PIH1D2: variants seen among roughly 807,000 people sequenced by gnomAD.
PIH1D2 encodes PIH1 domain-containing protein 2.
In PIH1D2, 25 loss-of-function variants were observed where a neutral mutation model predicts 31.2. That is an observed-to-expected ratio of 0.80 (90% CI 0.58 to 1.12). PIH1D2 has a LOEUF of 1.12. Ranked by LOEUF, PIH1D2 falls within the 50% of genes most tolerant of loss-of-function variation. PIH1D2 has a pLI of 0.00. For missense variants in PIH1D2, 310 were observed against 356.6 expected (o/e 0.87, Z 1.05); for synonymous variants, 116 against 119.9 (o/e 0.97, Z 0.21).
At position 112,071,284 on chromosome 11, in the gene PIH1D2, C is replaced by G. The variant is rs781989264; in HGVS notation, c.302-1G>C. ...GCAACATCAATGACTGTGTAAGCAT[C>G]TGTGTGTGTAATTGAAAGGGTATGA... On this transcript the variant is annotated splice_acceptor_variant, in intron 3 of 5. Transcript: ENST00000280350. LOFTEE classifies it high-confidence loss of function. The G allele has an allele frequency of 1.7e-5, 27 of 1,608,366 alleles. No homozygotes were observed. Among genetic ancestry groups the G allele is most frequent in the South Asian group, 6.7e-5 (6 of 90,112 alleles).
In PIH1D2 at chr11:112,071,666, A is replaced by T. The variant is rs1555184666; in HGVS notation, c.270T>A (p.Val90=). Reference sequence around the variant, plus strand: ...TCTCAGTTGTATCTTCTGGTTTGCCAACAGTTAGAGGTACTGGATGAGTGG... The same window carrying T: ...TCTCAGTTGTATCTTCTGGTTTGCCTACAGTTAGAGGTACTGGATGAGTGG... ...QSTTHPVPLT[V]GKPEDTTEIS... is the part of the protein sequence containing the mutation. The change falls in exon 3 of 6, where the codon GTT becomes GTA. Residue 90 remains valine, a synonymous_variant. Coordinates refer to ENST00000280350, the MANE Select transcript of PIH1D2 (RefSeq NM_138789.4). 1.2e-6 allele frequency: 2 copies of T among 1,613,876 alleles called. No homozygotes were observed. The highest frequency in any genetic ancestry group is 1.7e-6 in the Non-Finnish European group (2 of 1,179,734).
downstream of PIH1D2, among the ~76,000 whole-genome samples, chr11:112,060,463 T>C (rs2135160970): frequency 1.3e-5 from 2 of 151,908 alleles, no homozygotes; most frequent in South Asian, 4.2e-4. Context: ...CCCAGCGTAA[T>C]TCTTTTTTGA....
At chr11:112,072,312 A>C (rs1016850069) in intron 2 of PIH1D2, among the ~76,000 whole-genome samples, 1 of 151,432 alleles carries the variant, frequency 6.6e-6, no homozygotes, top group Non-Finnish European at 1.5e-5. Flanking sequence ...TGAGAGGCTG[A>C]GGTAGGAGGG....
At chr11:112,060,158 ATTTTTTTTTT>A (rs782188808), downstream of PIH1D2, 5 of 568,680 alleles carry the variant, frequency 8.8e-6, no homozygotes, top group South Asian at 2.1e-5. Context: ...CTGTCACGTA[ATTTTTTTTTT>A]TTTTTTTTTT....
At chr11:112,062,593 T>C, downstream of PIH1D2, 1 of 1,574,488 alleles carries the variant, frequency 6.4e-7, no homozygotes, top group African/African-American at 1.3e-5. Context: ...TAACAAGATA[T>C]TTATATGTTA....
downstream of PIH1D2, chr11:112,064,231 AAAT>A (rs1417365755): frequency 3.2e-6 from 5 of 1,553,738 alleles, no homozygotes; most frequent in Non-Finnish European, 4.3e-6. Flanking sequence ...CCTTGAAAAA[AAAT>A]AAAAACAGTT....
downstream of PIH1D2, chr11:112,062,725 C>A: frequency 1.6e-6 from 1 of 632,892 alleles, no homozygotes; most frequent in Non-Finnish European, 2.6e-6. Context: ...ATATTGTGCA[C>A]ATTTAATAAT....
At chr11:112,055,003 G>T in the PIH1D2 span, among the ~76,000 whole-genome samples, 2 of 152,034 alleles carry the variant, frequency 1.3e-5, no homozygotes, top group African/African-American at 4.8e-5. Context: ...CTTATCTCAG[G>T]ATCCTAATTA....
chr11:112,061,632 G>A (rs1418871699), downstream of PIH1D2: 1 of 174,342 alleles, frequency 5.7e-6, no homozygotes, highest in Non-Finnish European at 1.2e-5. Context: ...AGGCAGAAGT[G>A]CAGTGGTGCC....
At chr11:112,055,848 CTTTTTTTTTTTTTTTTTTTTTT>C in the PIH1D2 span, among the ~76,000 whole-genome samples, 29 of 31,990 alleles carry the variant, frequency 9.1e-4, no homozygotes, top group South Asian at 6.8e-3. Context: ...CATATAGACA[CTTTTTTTTTTTTTTTTTTTTTT>C]TTTTTTTTTT....
downstream of PIH1D2, chr11:112,062,397 T>G: frequency 6.2e-7 from 1 of 1,612,276 alleles, no homozygotes; most frequent in Non-Finnish European, 8.5e-7. Context: ...TGTCTTTATC[T>G]TTTTCTAGGT....
chr11:112,065,346 T>A (rs187379982), downstream of PIH1D2, among the ~76,000 whole-genome samples: 2 of 152,216 alleles, frequency 1.3e-5, no homozygotes, highest in African/African-American at 4.8e-5. Context: ...GTATATTAGG[T>A]CTTGATGTGC....
downstream of PIH1D2, chr11:112,064,158 G>C (rs1864808140): frequency 2.6e-6 from 4 of 1,558,398 alleles, no homozygotes; most frequent in Non-Finnish European, 3.5e-6. Flanking sequence ...TCCAAATCTG[G>C]TTCAAACATT....
downstream of PIH1D2, chr11:112,062,615 G>A (rs1000299707): frequency 9.3e-5 from 138 of 1,491,546 alleles, no homozygotes; most frequent in Non-Finnish European, 1.2e-4. Context: ...TAAACAGGTG[G>A]TTCTTTTTAT....
chr11:112,053,174 T>C, the PIH1D2 span, among the ~76,000 whole-genome samples: 1 of 151,922 alleles, frequency 6.6e-6, no homozygotes, highest in African/African-American at 2.4e-5. Context: ...ATACAAAAAT[T>C]AGCTGAGCGT....
the PIH1D2 span, among the ~76,000 whole-genome samples, chr11:112,055,335 G>A: frequency 2.1e-5 from 3 of 141,786 alleles, no homozygotes; most frequent in East Asian, 4.3e-4. Flanking sequence ...CCTCCGCCTC[G>A]TGGGTTCATG....
chr11:112,058,159 A>G, the PIH1D2 span, among the ~76,000 whole-genome samples: 1 of 152,202 alleles, frequency 6.6e-6, no homozygotes, highest in African/African-American at 2.4e-5. Context: ...CCCATTCAAC[A>G]TTTATTTAAC....
the PIH1D2 span, among the ~76,000 whole-genome samples, chr11:112,057,281 G>C: frequency 6.6e-6 from 1 of 152,162 alleles, no homozygotes; most frequent in Non-Finnish European, 1.5e-5. Context: ...AGGCCAATTA[G>C]TAACTCTACA....
rs1864987935 is a variant in PIH1D2 at position 112,067,869 on chromosome 11, T to C, written c.*2A>G. On this transcript the variant is annotated 3_prime_UTR_variant, in exon 6 of 6. Coordinates refer to ENST00000280350, the MANE Select transcript of PIH1D2 (RefSeq NM_138789.4). ...AAACCCAAAACATATGATGCTCTTC[T>C]TTCACACCAAAGGCATTGTGATGAT... 6.2e-7 allele frequency: 1 copy of C among 1,611,984 alleles called. No individual in the cohort carries two copies. The highest frequency in any genetic ancestry group is 1.1e-5 in the South Asian group (1 of 90,814).
Sources: gnomAD v4.1 joint callset for allele counts (sites outside exome capture counted in the v4.1 genomes callset) on GRCh38, gnomAD v4.1.1 for gene constraint, MANE v1.5 for transcripts, NCBI Gene and HGNC (gene_info 2026-07-23, HGNC 2026-07-21) for gene names.